The following RECK variants were observed in gnomAD, a reference collection of about 807,000 sequenced individuals.
The protein encoded by RECK is reversion inducing cysteine rich protein with kazal motifs, also known as reversion-inducing cysteine-rich protein with Kazal motifs.
RECK carries 69 observed loss-of-function variants against 115.1 expected under a neutral mutation model. The observed-to-expected ratio is 0.60, with a 90% CI of 0.49 to 0.73. The LOEUF (loss-of-function observed/expected upper bound fraction) is 0.73. Ranked by LOEUF, RECK falls within the 30% of genes least tolerant of loss-of-function variation. RECK has a pLI of 0.00. For missense variants in RECK, 1,047 were observed against 1,203.7 expected (o/e 0.87, Z 1.93); for synonymous variants, 414 against 419.7 (o/e 0.99, Z 0.17).
chr9:36,083,588 C>T (rs548766310), intron 8 of RECK, 26 bp downstream of exon 8: 2 of 1,595,322 alleles, frequency 1.3e-6, no homozygotes, highest in East Asian at 4.5e-5. Flanking sequence ...ATATTCTTCT[C>T]ATTTCAATCT....
intron 12 of RECK, 143 bp from the exon 13 acceptor site, chr9:36,105,000 G>C: frequency 1.7e-6 from 1 of 582,198 alleles, no homozygotes; most frequent in East Asian, 3.0e-5. Context: ...AAAGAATCTC[G>C]GTGTTTTAAT....
intron 7 of RECK, among the ~76,000 whole-genome samples, chr9:36,082,448 C>T (rs546121836): frequency 7.2e-5 from 11 of 151,990 alleles, no homozygotes; most frequent in African/African-American, 2.7e-4. Flanking sequence ...ATGTGAGCCA[C>T]AGCACCCGAC....
intron 8 of RECK, 121 bp from the exon 9 acceptor site, chr9:36,087,573 T>C: frequency 2.1e-6 from 2 of 952,670 alleles, no homozygotes; most frequent in Non-Finnish European, 3.1e-6. Context: ...CAAACCACCA[T>C]GGCATGTGTA....
At position 36,063,868 on chromosome 9, in the gene RECK, G is replaced by T; in HGVS notation, c.345G>T (p.Gln115His). Residue 115 changes from glutamine (Q) to histidine (H), a missense_variant, in exon 5 of 21, where the codon CAG becomes CAT. Physicochemically the swap from Gln to His is conservative, Grantham distance 24 (BLOSUM62 0). Transcript: ENST00000377966. ...CELAIALECR[Q>H]ACKQASSKND... Reference sequence around the variant, plus strand: ...TGGCTATTGCCTTGGAGTGTCGACAGGCATGCAAGCAGGTAACACTGGGTA... The same window carrying T: ...TGGCTATTGCCTTGGAGTGTCGACATGCATGCAAGCAGGTAACACTGGGTA... 1.2e-6 allele frequency: 2 copies of T among 1,614,032 alleles called. No homozygotes were observed. Among genetic ancestry groups the T allele is most frequent in the Non-Finnish European group, 8.5e-7 (1 of 1,179,898 alleles).
At chr9:36,105,942 A>G (rs541250590) in intron 13 of RECK, among the ~76,000 whole-genome samples, 12 of 152,304 alleles carry the variant, frequency 7.9e-5, no homozygotes, top group East Asian at 7.8e-4. Flanking sequence ...GGCCAGGCGC[A>G]GTGGCTCACG....
chr9:36,073,236 A>G (rs1275090404), intron 6 of RECK, among the ~76,000 whole-genome samples: 4 of 89,270 alleles, frequency 4.5e-5, no homozygotes, highest in Admixed American at 1.1e-4. Flanking sequence ...ACACAGACAC[A>G]CACAGACACA....
chr9:36,059,923 GA>G (rs1821690495), intron 3 of RECK, among the ~76,000 whole-genome samples, 195 bp from the exon 4 acceptor site: 1 of 152,214 alleles, frequency 6.6e-6, no homozygotes, highest in South Asian at 2.1e-4. Flanking sequence ...TCTCAGATGG[GA>G]AAAGAACAAG....
chr9:36,083,261 A>G (rs541954370), intron 7 of RECK, 104 bp from the exon 8 acceptor site: 1 of 1,232,516 alleles, frequency 8.1e-7, no homozygotes, highest in Non-Finnish European at 1.1e-6. Flanking sequence ...GCATGGTTTT[A>G]TTTCTCAAAT....
At chr9:36,108,585 C>A (rs922231897) in intron 14 of RECK, among the ~76,000 whole-genome samples, 4 of 152,134 alleles carry the variant, frequency 2.6e-5, no homozygotes, top group African/African-American at 9.7e-5. Flanking sequence ...CTCCAAATCC[C>A]TTACGCTTCA....
intron 6 of RECK, 126 bp downstream of exon 6, chr9:36,065,750 C>T: frequency 1.4e-6 from 1 of 715,680 alleles, no homozygotes; most frequent in South Asian, 5.1e-5. Context: ...GAAAATTTTG[C>T]ATTGACAAAA....
At chr9:36,039,855 C>T (rs1264101187) in intron 1 of RECK, among the ~76,000 whole-genome samples, 5 of 152,122 alleles carry the variant, frequency 3.3e-5, no homozygotes, top group Admixed American at 3.3e-4. Context: ...TATCTTGGCC[C>T]ACACTGTAGA....
chr9:36,045,415 T>C (rs1821033183), intron 1 of RECK, among the ~76,000 whole-genome samples: 1 of 152,160 alleles, frequency 6.6e-6, no homozygotes, highest in African/African-American at 2.4e-5. Context: ...ATTTTTTAAA[T>C]TTGAATGATC....
At chr9:36,075,028 T>G (rs1423569386) in intron 6 of RECK, among the ~76,000 whole-genome samples, 2 of 152,206 alleles carry the variant, frequency 1.3e-5, no homozygotes, top group East Asian at 1.9e-4. Context: ...TTCTCCATGT[T>G]TTCCCCTCCC....
chr9:36,041,061 C>G (rs1041525342), intron 1 of RECK, among the ~76,000 whole-genome samples: 3 of 152,042 alleles, frequency 2.0e-5, no homozygotes, highest in Non-Finnish European at 2.9e-5. Context: ...TACTGACAGA[C>G]ACTGTGATAG....
intron 7 of RECK, among the ~76,000 whole-genome samples, chr9:36,083,053 G>A (rs747796228): frequency 5.3e-5 from 8 of 152,170 alleles, no homozygotes; most frequent in African/African-American, 1.2e-4. Context: ...ATTGCAAGAC[G>A]TTTAGCAGCC....
chr9:36,057,264 T>C (rs1356048987), intron 2 of RECK, among the ~76,000 whole-genome samples: 1 of 152,136 alleles, frequency 6.6e-6, no homozygotes, highest in African/African-American at 2.4e-5. Flanking sequence ...TTGATGACAG[T>C]CTATTTTTCA....
At position 36,119,114 on chromosome 9, in the gene RECK, G is replaced by C. The variant is rs946459219; in HGVS notation, c.2464+147G>C. On this transcript the variant is annotated intron_variant, in intron 18 of 20. Coordinates refer to ENST00000377966, the MANE Select transcript of RECK (RefSeq NM_021111.3). ...TTATGCTGATCATACTCACTACTTT[G>C]GGTTGACCTTAAAAAACTAGGGCTT... 4 of 801,594 alleles carry C rather than the reference G, an allele frequency of 5.0e-6. No individual in the cohort carries two copies. The African/African-American group carries it at 6.9e-5, about 14-fold the overall frequency. The allele number at this position is 801,594 out of a possible 1,614,324, so 49.7% of individuals were successfully genotyped here.
At chr9:36,066,595 G>A (rs1822008169) in intron 6 of RECK, among the ~76,000 whole-genome samples, 3 of 151,852 alleles carry the variant, frequency 2.0e-5, no homozygotes, top group African/African-American at 7.3e-5. Context: ...CCAAATTATA[G>A]CTCTCCTCCG....
At chr9:36,103,951 G>T (rs1053845301) in intron 12 of RECK, among the ~76,000 whole-genome samples, 1 of 152,058 alleles carries the variant, frequency 6.6e-6, no homozygotes, top group Admixed American at 6.6e-5. Context: ...TTCTATTACA[G>T]CAGGCAAATA....
Sources: gnomAD v4.1 joint callset for allele counts (sites outside exome capture counted in the v4.1 genomes callset) on GRCh38, gnomAD v4.1.1 for gene constraint, MANE v1.5 for transcripts, NCBI Gene and HGNC (gene_info 2026-07-23, HGNC 2026-07-21) for gene names.